NTM: variants seen among roughly 807,000 people sequenced by gnomAD.
NTM encodes neurotrimin, also known as IgLON family member 2.
NTM carries 13 observed loss-of-function variants against 42.1 expected under a neutral mutation model. The observed-to-expected ratio is 0.31, with a 90% CI of 0.20 to 0.49. NTM has a LOEUF of 0.49. NTM is among the 20% of genes least tolerant of loss of function. NTM has a pLI of 0.99. For missense variants in NTM, 373 were observed against 452.8 expected (o/e 0.82, Z 1.60); for synonymous variants, 187 against 179.2 (o/e 1.04, Z -0.35).
intron 1 of NTM, among the ~76,000 whole-genome samples, chr11:131,647,728 A>G (rs1490341420): frequency 6.6e-6 from 1 of 152,226 alleles, no homozygotes; most frequent in Admixed American, 6.5e-5. Flanking sequence ...TGATTTTTAT[A>G]TTATACCATG....
chr11:131,447,487 A>C (rs570621695), intron 1 of NTM, among the ~76,000 whole-genome samples: 4 of 152,164 alleles, frequency 2.6e-5, no homozygotes, highest in African/African-American at 9.7e-5. Flanking sequence ...TGCAGAATCA[A>C]TTCCTAATCC....
chr11:132,055,644 T>C (rs920489593), intron 2 of NTM, among the ~76,000 whole-genome samples: 4 of 144,424 alleles, frequency 2.8e-5, no homozygotes, highest in African/African-American at 1.0e-4. Context: ...TGTGCATGTG[T>C]GTGTGAGAGA....
intron 1 of NTM, among the ~76,000 whole-genome samples, chr11:131,781,166 A>G (rs1425946444): frequency 6.6e-6 from 1 of 152,120 alleles, no homozygotes; most frequent in Non-Finnish European, 1.5e-5. Context: ...TCAGGAAACC[A>G]TAAATGCAAG....
At chr11:131,654,688 G>C (rs952816760) in intron 1 of NTM, among the ~76,000 whole-genome samples, 1 of 151,924 alleles carries the variant, frequency 6.6e-6, no homozygotes, top group Non-Finnish European at 1.5e-5. Flanking sequence ...CTGTTAGTTC[G>C]CCTGAGATCT....
intron 1 of NTM, among the ~76,000 whole-genome samples, chr11:131,439,722 C>G (rs1949450137): frequency 6.6e-6 from 1 of 152,194 alleles, no homozygotes; most frequent in East Asian, 1.9e-4. Flanking sequence ...GTCATGGCTT[C>G]CCTTGGCTAG....
intron 1 of NTM, among the ~76,000 whole-genome samples, chr11:131,682,960 G>A (rs969519723): frequency 4.6e-5 from 7 of 152,080 alleles, no homozygotes; most frequent in Admixed American, 6.5e-5. Flanking sequence ...GGTAGATGTC[G>A]TACACATCCC....
At chr11:131,458,555 C>A (rs1258218099) in intron 1 of NTM, among the ~76,000 whole-genome samples, 2 of 152,202 alleles carry the variant, frequency 1.3e-5, no homozygotes, top group Admixed American at 1.3e-4. Context: ...CCTTCTAACA[C>A]CCAGCAGGAT....
At chr11:131,734,246 C>T (rs1425445348) in intron 1 of NTM, among the ~76,000 whole-genome samples, 1 of 152,148 alleles carries the variant, frequency 6.6e-6, no homozygotes, top group Non-Finnish European at 1.5e-5. Context: ...TCAGTGGTCA[C>T]TCCAGAAACG....
intron 1 of NTM, among the ~76,000 whole-genome samples, chr11:131,904,131 T>C (rs1218470973): frequency 6.6e-6 from 1 of 152,180 alleles, no homozygotes; most frequent in Non-Finnish European, 1.5e-5. Context: ...CAAATTCTTA[T>C]GTCATTAAAA....
At chr11:131,875,246 A>G (rs2048366276) in intron 1 of NTM, among the ~76,000 whole-genome samples, 1 of 152,012 alleles carries the variant, frequency 6.6e-6, no homozygotes, top group Non-Finnish European at 1.5e-5. Context: ...GCTTCCTGGA[A>G]ACATTTTACG....
chr11:131,518,097 C>G (rs762353520), intron 1 of NTM, among the ~76,000 whole-genome samples: 1 of 152,168 alleles, frequency 6.6e-6, no homozygotes, highest in Non-Finnish European at 1.5e-5. Context: ...GGCAAATATT[C>G]TTTCATTCCT....
chr11:132,267,841 CA>C (rs61564878), intron 4 of NTM, among the ~76,000 whole-genome samples: 13,590 of 136,996 alleles, frequency 0.099, 603 homozygotes, highest in Non-Finnish European at 0.11. Context: ...GACTCCATCT[CA>C]AAAAAAAAAA....
chr11:132,168,113 G>A (rs1221073213), intron 3 of NTM, among the ~76,000 whole-genome samples: 1 of 152,128 alleles, frequency 6.6e-6, no homozygotes, highest in African/African-American at 2.4e-5. Context: ...TCAGTTGGTG[G>A]CAATTGGCAT....
intron 1 of NTM, among the ~76,000 whole-genome samples, chr11:131,530,597 G>T (rs2051124204): frequency 6.6e-6 from 1 of 152,168 alleles, no homozygotes; most frequent in Admixed American, 6.5e-5. Context: ...GAAGCTTAAA[G>T]GACTCCAACT....
intron 2 of NTM, among the ~76,000 whole-genome samples, chr11:132,125,404 A>G: frequency 8.8e-6 from 1 of 114,280 alleles, no homozygotes; most frequent in Admixed American, 9.4e-5. Flanking sequence ...TGTGGTATGT[A>G]GTGTGTGCTA....
intron 2 of NTM, among the ~76,000 whole-genome samples, chr11:132,039,158 C>T (rs1271798881): frequency 1.3e-5 from 2 of 152,180 alleles, no homozygotes; most frequent in African/African-American, 4.8e-5. Context: ...CCAACCTTGC[C>T]TTCTCCAGCA....
chr11:131,687,709 A>G (rs2074081809), intron 1 of NTM, among the ~76,000 whole-genome samples: 2 of 152,190 alleles, frequency 1.3e-5, no homozygotes, highest in Admixed American at 1.3e-4. Flanking sequence ...CTCAAAGAAC[A>G]AAACCATTCC....
intron 2 of NTM, among the ~76,000 whole-genome samples, chr11:132,137,659 C>A (rs191767417): frequency 1.3e-5 from 2 of 152,110 alleles, no homozygotes; most frequent in African/African-American, 4.8e-5. Context: ...CCTGGGGCCA[C>A]GAACAGGAAG....
At chr11:131,538,133 A>G (rs2052571734) in intron 1 of NTM, 2 of 152,222 alleles carry the variant, frequency 1.3e-5, no homozygotes, top group Non-Finnish European at 2.9e-5. Context: ...GAAGAGGAGA[A>G]AACAACAACT....
Sources: gnomAD v4.1 joint callset for allele counts (sites outside exome capture counted in the v4.1 genomes callset) on GRCh38, gnomAD v4.1.1 for gene constraint, MANE v1.5 for transcripts, NCBI Gene and HGNC (gene_info 2026-07-23, HGNC 2026-07-21) for gene names.